The following RIF1 variants were observed in gnomAD, a reference collection of about 807,000 sequenced individuals.
The protein encoded by RIF1 is telomere-associated protein RIF1.
RIF1 carries 45 observed loss-of-function variants against 247.1 expected under a neutral mutation model. That is an observed-to-expected ratio of 0.18 (90% CI 0.14 to 0.23). The LOEUF is 0.23. Among genes scored for constraint, RIF1 ranks in the 10% least tolerant of loss-of-function variants. The probability of loss-of-function intolerance (pLI) is 1.00; values close to 1 mark genes in which losing one functional copy is unlikely to be tolerated. For missense variants in RIF1, 2,967 were observed against 2,862.5 expected (o/e 1.04, Z -0.83); for synonymous variants, 1,087 against 978.8 (o/e 1.11, Z -2.06).
intron 21 of RIF1, among the ~76,000 whole-genome samples, chr2:151,454,492 T>C (rs1019530327): frequency 1.3e-5 from 2 of 152,150 alleles, no homozygotes; most frequent in Non-Finnish European, 2.9e-5. Flanking sequence ...TAGTGGAAAT[T>C]TTTTGTTTTT....
At chr2:151,439,971 T>TAAAAAAAA (rs1451909950) in intron 14 of RIF1, 56 bp from the exon 15 acceptor site, 1 of 363,616 alleles carries the variant, frequency 2.8e-6, no homozygotes, top group Non-Finnish European at 4.4e-6. Context: ...AGACCCTGTC[T>TAAAAAAAA]CAAAAAAAAA....
In RIF1 at chr2:151,451,602, C is replaced by T; in HGVS notation, c.2245-4C>T. The T allele has an allele frequency of 7.5e-7, 1 of 1,337,524 alleles. No homozygotes were observed. The highest frequency in any genetic ancestry group is 1.1e-6 in the Non-Finnish European group (1 of 929,712). 82.9% of individuals were successfully genotyped at this position (1,337,524 alleles called of 1,614,324 possible). On this transcript the variant is annotated splice_region_variant and splice_polypyrimidine_tract_variant and intron_variant, in intron 20 of 35. Coordinates refer to ENST00000444746, the MANE Select transcript of RIF1 (RefSeq NM_018151.5). The stretch of plus-strand genomic sequence containing the variant: ...GTTTCTAACAGTGGTACTTTCTTCC[C>T]TAGAATTTGTTGTTCGTGGATAGAA...
chr2:151,428,669 C>T (rs931352625), intron 8 of RIF1, 115 bp from the exon 9 acceptor site: 2 of 757,250 alleles, frequency 2.6e-6, no homozygotes, highest in African/African-American at 1.8e-5. Flanking sequence ...TTTTGTCTCC[C>T]CATTAGATTA....
the RIF1 span, among the ~76,000 whole-genome samples, chr2:151,534,036 T>C: frequency 6.6e-6 from 1 of 152,210 alleles, no homozygotes; most frequent in Non-Finnish European, 1.5e-5. Flanking sequence ...ACACAGAGCA[T>C]GGACTGGCAC....
intron 9 of RIF1, chr2:151,491,849 T>C (rs1375672725): frequency 8.1e-7 from 1 of 1,233,742 alleles, no homozygotes; most frequent in Non-Finnish European, 1.2e-6. Context: ...GGCATGAATT[T>C]TAACAACCAC....
rs1174109706 is a variant in RIF1 at position 151,475,632 on chromosome 2, T to G, written c.*561T>G. On this transcript the variant is annotated 3_prime_UTR_variant, in exon 36 of 36. Transcript: ENST00000444746. ...AAGAAAAATGAGAAAAGTTTCAACT[T>G]CTGGCGGTTAAAATATTAATGCAGA... The G allele has an allele frequency of 1.3e-5, 2 of 153,558 alleles. No individual in the cohort carries two copies. The highest frequency in any genetic ancestry group is 1.5e-5 in the Non-Finnish European group (1 of 68,864). 9.5% of individuals were successfully genotyped at this position (153,558 alleles called of 1,614,324 possible).
At chr2:151,487,364 T>G (rs1463427486) in intron 9 of RIF1, among the ~76,000 whole-genome samples, 1 of 152,194 alleles carries the variant, frequency 6.6e-6, no homozygotes, top group Non-Finnish European at 1.5e-5. Context: ...CCTATATGGT[T>G]TTTTCTTGCA....
At chr2:151,415,960 C>G (rs1372585791) in intron 4 of RIF1, among the ~76,000 whole-genome samples, 1 of 152,132 alleles carries the variant, frequency 6.6e-6, no homozygotes, top group African/African-American at 2.4e-5. Context: ...AAGGAATATG[C>G]TGAATTGAAA....
At chr2:151,452,910 A>G (rs950299796) in intron 21 of RIF1, among the ~76,000 whole-genome samples, 7 of 152,242 alleles carry the variant, frequency 4.6e-5, no homozygotes, top group Non-Finnish European at 8.8e-5. Context: ...GTGTCCATGC[A>G]AAACAGAGCC....
At chr2:151,527,457 T>G in the RIF1 span, 1 of 1,543,160 alleles carries the variant, frequency 6.5e-7, no homozygotes, top group Non-Finnish European at 8.9e-7. Flanking sequence ...GCAGTTACAA[T>G]CGTCTGTGTC....
chr2:151,446,946 T>TG (rs34632619), intron 20 of RIF1, among the ~76,000 whole-genome samples: 2 of 16,896 alleles, frequency 1.2e-4, no homozygotes, highest in East Asian at 1.2e-3. Context: ...TTTCTCTTTC[T>TG]TTTTTTTTTT....
Position 151,493,286 on chromosome 2 carries a change from G to GTTT in RIF1, c.*416-1940_*416-1938dup, listed in dbSNP as rs753676768. On this transcript the variant is annotated intron_variant and NMD_transcript_variant, in intron 9 of 13. Coordinates refer to the RIF1 transcript ENST00000454583. ...TTTTTCAGTTGAATGAGAAAGGCGTGTTTTTATGATGTTAAAATGTTATTT... is the reference window on the plus strand; with the variant it reads ...TTTTTCAGTTGAATGAGAAAGGCGTGTTTTTTTTATGATGTTAAAATGTTATTT... The GTTT allele has an allele frequency of 1.3e-4, 159 of 1,235,906 alleles. 1 individual carries two copies. The South Asian group carries it at 1.5e-3, about 11-fold the overall frequency. The allele number at this position is 1,235,906 out of a possible 1,614,324, so 76.6% of individuals were successfully genotyped here. A position where few individuals can be genotyped will look rare whatever the true frequency, so the allele number is the denominator to read the frequency against.
intron 8 of RIF1, among the ~76,000 whole-genome samples, chr2:151,427,259 C>T (rs6730404): frequency 0.051 from 7,738 of 151,398 alleles, 660 homozygotes; most frequent in African/African-American, 0.18. Context: ...GTTGCCCAGG[C>T]TGGAGTGCAA....
chr2:151,458,226 A>ATTTTTTTTT (rs71403171), intron 24 of RIF1, among the ~76,000 whole-genome samples: 2 of 99,164 alleles, frequency 2.0e-5, no homozygotes, highest in South Asian at 3.7e-4. Context: ...GAAATAGATG[A>ATTTTTTTTT]TTTTTTTTTT....
In RIF1 at chr2:151,475,217, T is replaced by C; in HGVS notation, c.*146T>C. 1.6e-6 allele frequency: 1 copy of C among 631,666 alleles called. No homozygotes were observed. The highest frequency in any genetic ancestry group is 2.0e-5 in the South Asian group (1 of 51,070). The allele number at this position is 631,666 out of a possible 1,614,324, so 39.1% of individuals were successfully genotyped here. On this transcript the variant is annotated 3_prime_UTR_variant, in exon 36 of 36. Transcript: ENST00000444746. ...CAAACCCTGAAGGACAGTGACTTAT[T>C]ATGTAAGTTCAATTTTGTAAGTTCA...
At chr2:151,439,021 A>T (rs187610694) in intron 14 of RIF1, among the ~76,000 whole-genome samples, 263 of 152,356 alleles carry the variant, frequency 1.7e-3, no homozygotes, top group African/African-American at 6.1e-3. Context: ...AGCCTTGCTG[A>T]TAACATAAAT....
At chr2:151,505,501 C>T in intron 12 of RIF1, 1 of 1,613,688 alleles carries the variant, frequency 6.2e-7, no homozygotes, top group South Asian at 1.1e-5. Context: ...TTCTGCGTCT[C>T]CTTCACACGT....
Position 151,475,088 on chromosome 2 carries a change from T to G in RIF1, c.*17T>G, listed in dbSNP as rs1307716469. On this transcript the variant is annotated 3_prime_UTR_variant, in exon 36 of 36. Transcript: ENST00000444746. ...TCTATTTAGTATTTTCAGAGAAAAT[T>G]GAAGGTTTTTTTAAACATCACTGGA... The G allele has an allele frequency of 1.3e-6, 2 of 1,557,790 alleles. No homozygotes were observed. Among genetic ancestry groups the G allele is most frequent in the Non-Finnish European group, 1.8e-6 (2 of 1,130,600 alleles).
chr2:151,452,013 A>G (rs753036614), intron 21 of RIF1, among the ~76,000 whole-genome samples: 2 of 152,222 alleles, frequency 1.3e-5, no homozygotes, highest in Non-Finnish European at 2.9e-5. Context: ...TACTCATTCC[A>G]TCTGGTATGA....
Sources: allele counts gnomAD v4.1 joint callset (sites outside exome capture counted in the v4.1 genomes callset), GRCh38; gene constraint gnomAD v4.1.1; transcripts MANE v1.5; gene names NCBI Gene and HGNC (gene_info 2026-07-23, HGNC 2026-07-21).